Variants in LRRTM4 observed in about 807,000 individuals in gnomAD.
The protein encoded by LRRTM4 is leucine rich repeat transmembrane neuronal 4, also known as leucine-rich repeat transmembrane neuronal protein 4.
A neutral mutation model predicts 47.6 loss-of-function variants in LRRTM4; 25 were observed. The observed-to-expected ratio is 0.53, with a 90% CI of 0.38 to 0.73. The LOEUF (loss-of-function observed/expected upper bound fraction) is 0.73, where lower values mean the gene tolerates loss of function less well. Ranked by LOEUF, LRRTM4 falls within the 30% of genes least tolerant of loss-of-function variation. The probability of loss-of-function intolerance (pLI) is 0.00; values close to 1 mark genes in which losing one functional copy is unlikely to be tolerated. For synonymous variants in LRRTM4, 311 were observed against 269.5 expected (o/e 1.15, Z -1.51); for missense variants, 638 against 713.4 (o/e 0.89, Z 1.20).
chr2:77,331,927 A>G (rs542646363), intron 3 of LRRTM4, among the ~76,000 whole-genome samples: 2 of 152,276 alleles, frequency 1.3e-5, no homozygotes, highest in African/African-American at 4.8e-5. Context: ...TATTTTTGTA[A>G]AAATTTTCTG....
intron 3 of LRRTM4, among the ~76,000 whole-genome samples, chr2:77,390,763 GA>G (rs1234913424): frequency 6.6e-6 from 1 of 151,478 alleles, no homozygotes; most frequent in African/African-American, 2.4e-5. Context: ...TATTTTACAA[GA>G]AAAATAACTT....
chr2:77,244,544 A>T (rs1675376778), intron 3 of LRRTM4, among the ~76,000 whole-genome samples: 1 of 152,174 alleles, frequency 6.6e-6, no homozygotes, highest in Non-Finnish European at 1.5e-5. Flanking sequence ...GAAAATAGAG[A>T]TTATGGAAGG....
At chr2:76,799,938 C>T (rs1427283908) in intron 3 of LRRTM4, among the ~76,000 whole-genome samples, 1 of 150,804 alleles carries the variant, frequency 6.6e-6, no homozygotes, top group South Asian at 2.1e-4. Context: ...AACCACTGCT[C>T]AAGGAAATAA....
At chr2:76,804,187 T>C (rs183456883) in intron 3 of LRRTM4, among the ~76,000 whole-genome samples, 148 of 152,296 alleles carry the variant, frequency 9.7e-4, no homozygotes, top group African/African-American at 3.2e-3. Flanking sequence ...GGAGATGGTC[T>C]TGGGCACCCC....
At chr2:77,031,773 T>A (rs747814613) in intron 3 of LRRTM4, among the ~76,000 whole-genome samples, 11 of 152,242 alleles carry the variant, frequency 7.2e-5, no homozygotes, top group Non-Finnish European at 1.5e-4. Context: ...GCGCGCACAA[T>A]ATGTGCATGT....
intron 3 of LRRTM4, among the ~76,000 whole-genome samples, chr2:77,400,332 C>CCT (rs1175187343): frequency 6.6e-6 from 1 of 151,702 alleles, no homozygotes; most frequent in East Asian, 2.0e-4. Context: ...AGTAATTGGC[C>CCT]CTACAATTCA....
At chr2:77,019,149 G>A (rs1290915173) in intron 3 of LRRTM4, among the ~76,000 whole-genome samples, 1 of 146,460 alleles carries the variant, frequency 6.8e-6, no homozygotes, top group Non-Finnish European at 1.5e-5. Flanking sequence ...ACTTGTTATA[G>A]AGAGTCAGAA....
intron 3 of LRRTM4, among the ~76,000 whole-genome samples, chr2:77,027,801 G>C (rs1382429452): frequency 2.0e-5 from 3 of 152,170 alleles, no homozygotes; most frequent in Admixed American, 1.3e-4. Context: ...ATTATAGCAT[G>C]TTTGTACAAT....
At chr2:77,448,162 AG>A (rs1045755161) in intron 3 of LRRTM4, among the ~76,000 whole-genome samples, 6 of 152,184 alleles carry the variant, frequency 3.9e-5, no homozygotes, top group African/African-American at 1.4e-4. Flanking sequence ...ATTACACAGA[AG>A]GTGGCATTAG....
chr2:77,029,973 T>C (rs1678596963), intron 3 of LRRTM4, among the ~76,000 whole-genome samples: 1 of 152,174 alleles, frequency 6.6e-6, no homozygotes, highest in Admixed American at 6.5e-5. Context: ...AGCTATAGTG[T>C]CATAGTGTAA....
At chr2:76,905,258 A>G (rs1405585069) in intron 3 of LRRTM4, among the ~76,000 whole-genome samples, 3 of 152,180 alleles carry the variant, frequency 2.0e-5, no homozygotes, top group African/African-American at 4.8e-5. Context: ...GTGGACCTCT[A>G]GCAAATTCCA....
intron 3 of LRRTM4, among the ~76,000 whole-genome samples, chr2:77,216,523 G>C (rs1674445354): frequency 2.6e-5 from 4 of 151,814 alleles, no homozygotes; most frequent in Admixed American, 2.6e-4. Flanking sequence ...CCAGCCTGCT[G>C]ACAGAGTGAG....
intron 3 of LRRTM4, among the ~76,000 whole-genome samples, chr2:76,889,945 T>A (rs1573263145): frequency 6.6e-6 from 1 of 151,894 alleles, no homozygotes; most frequent in Non-Finnish European, 1.5e-5. Context: ...CTCAGGACAC[T>A]CTGTTCTGTG....
At chr2:77,192,709 T>A (rs1419407445) in intron 3 of LRRTM4, among the ~76,000 whole-genome samples, 2 of 152,316 alleles carry the variant, frequency 1.3e-5, no homozygotes, top group South Asian at 2.1e-4. Flanking sequence ...TAAATCAAAT[T>A]GTTTTTACTG....
chr2:76,799,895 G>GGGATGAGA (rs1268201770), intron 3 of LRRTM4, among the ~76,000 whole-genome samples: 2 of 149,976 alleles, frequency 1.3e-5, no homozygotes, highest in African/African-American at 4.9e-5. Context: ...CAACTTACAA[G>GGGATGAGA]GGATGAGAAG....
chr2:77,490,786 T>C (rs1242059696), intron 3 of LRRTM4, among the ~76,000 whole-genome samples: 1 of 152,156 alleles, frequency 6.6e-6, no homozygotes, highest in Non-Finnish European at 1.5e-5. Context: ...GACACAATAG[T>C]CCTGTTCCCT....
chr2:77,289,534 A>G (rs574325127), intron 3 of LRRTM4, among the ~76,000 whole-genome samples: 6 of 152,008 alleles, frequency 3.9e-5, no homozygotes, highest in Non-Finnish European at 8.8e-5. Context: ...GAAACTTGTT[A>G]TTTTATCTCA....
At chr2:77,409,825 C>A (rs438861) in intron 3 of LRRTM4, among the ~76,000 whole-genome samples, 1 of 151,914 alleles carries the variant, frequency 6.6e-6, no homozygotes, top group Non-Finnish European at 1.5e-5. Flanking sequence ...TAGAAAATAA[C>A]AAGTATTTGC....
intron 3 of LRRTM4, among the ~76,000 whole-genome samples, chr2:76,985,049 C>G (rs929685282): frequency 1.3e-5 from 2 of 151,936 alleles, no homozygotes; most frequent in African/African-American, 4.8e-5. Context: ...TATTAATTTT[C>G]TTTGTATGAG....
Sources: gnomAD v4.1 joint callset for allele counts (sites outside exome capture counted in the v4.1 genomes callset) on GRCh38, gnomAD v4.1.1 for gene constraint, MANE v1.5 for transcripts, NCBI Gene and HGNC (gene_info 2026-07-23, HGNC 2026-07-21) for gene names.